OTOA: variants seen among roughly 807,000 people sequenced by gnomAD.
OTOA encodes the protein otoancorin.
In OTOA, 70 loss-of-function variants were observed where a neutral mutation model predicts 110.8. The observed-to-expected ratio is 0.63, with a 90% CI of 0.52 to 0.77. The LOEUF (loss-of-function observed/expected upper bound fraction) is 0.77. OTOA is among the 30% of genes least tolerant of loss of function. The pLI is 0.00. For missense variants in OTOA, 917 were observed against 1,075.8 expected, an observed-to-expected ratio of 0.85 and a Z score of 2.06; for synonymous variants, 373 against 431.5, an observed-to-expected ratio of 0.86 and a Z score of 1.68.
chr16:21,731,639 C>G (rs1899120027), intron 21 of OTOA, among the ~76,000 whole-genome samples: 1 of 152,204 alleles, frequency 6.6e-6, no homozygotes, highest in African/African-American at 2.4e-5. Flanking sequence ...CTGCCACACT[C>G]CAATGGCCAA....
At chr16:21,681,516 G>A (rs999822600) in intron 5 of OTOA, among the ~76,000 whole-genome samples, 2 of 152,106 alleles carry the variant, frequency 1.3e-5, no homozygotes, top group Admixed American at 1.3e-4. Flanking sequence ...TGGGGAGATT[G>A]AGGCTGCAGT....
chr16:21,719,275 G>A, intron 16 of OTOA, 84 bp downstream of exon 16: 2 of 1,575,982 alleles, frequency 1.3e-6, no homozygotes, highest in Non-Finnish European at 1.7e-6. Flanking sequence ...AGGTGGGAGA[G>A]TTAGGCAGTC....
At chr16:21,674,603 G>A (rs1031554733) in intron 1 of OTOA, among the ~76,000 whole-genome samples, 3 of 151,732 alleles carry the variant, frequency 2.0e-5, no homozygotes, top group African/African-American at 7.3e-5. Flanking sequence ...CAAAGTGCTG[G>A]GATTACAGGC....
intron 1 of OTOA, among the ~76,000 whole-genome samples, 200 bp downstream of exon 1, chr16:21,664,432 G>A (rs1261490982): frequency 6.6e-6 from 1 of 152,096 alleles, no homozygotes; most frequent in Non-Finnish European, 1.5e-5. Flanking sequence ...ACTTGGAGGG[G>A]GGGGACGATG....
chr16:21,726,453 G>T, intron 18 of OTOA, 70 bp from the exon 19 acceptor site: 1 of 1,594,800 alleles, frequency 6.3e-7, no homozygotes, highest in South Asian at 1.1e-5. Context: ...TTGGGCAGGC[G>T]GACCCTGATT....
intron 8 of OTOA, among the ~76,000 whole-genome samples, chr16:21,688,135 A>G (rs1277722714): frequency 6.6e-6 from 1 of 152,114 alleles, no homozygotes; most frequent in East Asian, 1.9e-4. Context: ...CACACCTGTG[A>G]TCCCAGCACT....
At chr16:21,666,242 C>CTTTTTT (rs1966840097) in intron 1 of OTOA, among the ~76,000 whole-genome samples, 8 of 129,410 alleles carry the variant, frequency 6.2e-5, no homozygotes, top group Admixed American at 2.4e-4. Flanking sequence ...CATGAAATGG[C>CTTTTTT]ATTTTTTTTT....
chr16:21,705,492 C>A (rs1018299148), intron 12 of OTOA, 200 bp downstream of exon 12: 12 of 782,402 alleles, frequency 1.5e-5, no homozygotes, highest in Admixed American at 2.9e-5. Context: ...AGGAACAGAC[C>A]CTGGGGAGAT....
intron 5 of OTOA, among the ~76,000 whole-genome samples, chr16:21,681,028 A>C (rs1403016761): frequency 6.6e-6 from 1 of 152,178 alleles, no homozygotes; most frequent in Non-Finnish European, 1.5e-5. Flanking sequence ...AAGCCACACA[A>C]CTAAGTGATG....
At chr16:21,723,520 A>G (rs1172115982) in intron 18 of OTOA, among the ~76,000 whole-genome samples, 4 of 152,134 alleles carry the variant, frequency 2.6e-5, no homozygotes, top group Admixed American at 2.6e-4. Context: ...CTGAAGATTT[A>G]GAAATTCCTA....
At chr16:21,724,669 T>C (rs887912789) in intron 18 of OTOA, among the ~76,000 whole-genome samples, 4 of 152,166 alleles carry the variant, frequency 2.6e-5, no homozygotes, top group Non-Finnish European at 5.9e-5. Flanking sequence ...CTCATTCATG[T>C]CTCAGCTCAA....
chr16:21,680,384 C>T lies in OTOA; in HGVS notation c.179+1173C>T, dbSNP rs532859161. 7.2e-5 allele frequency among the ~76,000 whole-genome samples: 11 copies of T among 152,112 alleles called. No homozygotes were observed. The East Asian group carries it at 2.1e-3, about 29-fold the overall frequency. On this transcript the variant is annotated intron_variant, in intron 5 of 28. Transcript: ENST00000646100. ...AAAGAATTAGCTAGGCATGGTGGTG[C>T]ATACCTGTAGTCCCAGCTACTCAGG...
At chr16:21,670,925 T>C (rs530964371) in intron 1 of OTOA, among the ~76,000 whole-genome samples, 32 of 152,034 alleles carry the variant, frequency 2.1e-4, no homozygotes, top group African/African-American at 7.7e-4. Context: ...GGTCTTAATC[T>C]GGGGAGGATA....
chr16:21,705,308 A>G lies in OTOA; in HGVS notation c.1104+16A>G, dbSNP rs1305793578. ...CGTCCAGAAGGTACAGCTGGGGTGC[A>G]AGGCCCTGAGGCCTCTGCCTCAGTG... is the stretch of plus-strand genomic sequence containing the variant. On this transcript the variant is annotated intron_variant, in intron 12 of 28. Coordinates refer to ENST00000646100, the MANE Select transcript of OTOA (RefSeq NM_144672.4). The G allele has an allele frequency of 1.2e-6, 2 of 1,613,342 alleles. No homozygotes were observed. Among genetic ancestry groups the G allele is most frequent in the African/African-American group, 1.3e-5 (1 of 74,902 alleles).
At position 21,726,633 on chromosome 16, in the gene OTOA, T is replaced by A; in HGVS notation, c.1991T>A (p.Val664Asp). 1.2e-6 allele frequency: 2 copies of A among 1,614,080 alleles called. No individual in the cohort carries two copies. The highest frequency in any genetic ancestry group is 1.7e-6 in the Non-Finnish European group (2 of 1,180,000). Reference protein sequence around the residue: ...LVLDSHKKTSVLRKVQQCLDD... With the variant: ...LVLDSHKKTSDLRKVQQCLDD... ...TTAGATTCCCACAAAAAGACTTCAG[T>A]CCTCAGGAAAGTGCAGCAGTGCCTG... The change falls in exon 19 of 29, where the codon GTC becomes GAC. Residue 664 changes from valine to aspartate, a missense_variant. By Grantham distance (152) the Val-to-Asp change is radical. Around this residue, in one of 6 missense-constraint regions of OTOA, gnomAD observed 840 missense variants for 910.2 expected, o/e 0.92. Transcript: ENST00000646100.
At chr16:21,671,665 C>A (rs746013030) in intron 1 of OTOA, among the ~76,000 whole-genome samples, 1 of 151,152 alleles carries the variant, frequency 6.6e-6, no homozygotes, top group South Asian at 2.1e-4. Flanking sequence ...TAGTAAGTGG[C>A]GGAGACGTGA....
chr16:21,716,347 G>A (rs1398647906), intron 14 of OTOA, among the ~76,000 whole-genome samples: 7 of 152,124 alleles, frequency 4.6e-5, no homozygotes, highest in African/African-American at 9.7e-5. Flanking sequence ...CAAGGTGGGC[G>A]GATCATGAGG....
rs141473741 is a variant in OTOA at position 21,692,139 on chromosome 16, C to T, written c.739+452C>T. ...GTCAGGAGTTTGAGACCAGCCTGAC[C>T]GACATGGTGAAACCACATCTCTACT... On this transcript the variant is annotated intron_variant, in intron 9 of 28. Transcript: ENST00000646100. 3.4e-3 allele frequency among the ~76,000 whole-genome samples: 516 copies of T among 152,160 alleles called. 7 individuals are homozygous for T. Among genetic ancestry groups the T allele is most frequent in the African/African-American group, 0.011 (471 of 41,520 alleles).
chr16:21,678,991 C>A (rs757221313), intron 3 of OTOA, 45 bp from the exon 4 acceptor site: 33 of 1,613,622 alleles, frequency 2.0e-5, no homozygotes, highest in Middle Eastern at 1.6e-4. Flanking sequence ...ACTGGAATTG[C>A]CAACTTTTGG....
Sources: gnomAD v4.1 joint callset for allele counts (sites outside exome capture counted in the v4.1 genomes callset) on GRCh38, gnomAD v4.1.1 for gene constraint, gnomAD v4.1.1 regional missense constraint, MANE v1.5 for transcripts, NCBI Gene and HGNC (gene_info 2026-07-23, HGNC 2026-07-21) for gene names.